Variants in C7 observed in about 807,000 individuals in gnomAD.
The protein encoded by C7 is complement component C7.
In C7, 83 loss-of-function variants were observed where a neutral mutation model predicts 104.8. That is an observed-to-expected ratio of 0.79 (90% CI 0.66 to 0.95). C7 has a LOEUF of 0.95. Among genes scored for constraint, C7 ranks in the 40% least tolerant of loss-of-function variants. The pLI, the probability that C7 is intolerant of heterozygous loss-of-function variation, is 0.00. For synonymous variants in C7, 415 were observed against 360.6 expected (o/e 1.15, Z -1.71); for missense variants, 1,070 against 1,011.2 (o/e 1.06, Z -0.79).
intron 6 of C7, among the ~76,000 whole-genome samples, chr5:40,944,634 G>A (rs1225733651): frequency 6.6e-6 from 1 of 152,158 alleles, no homozygotes; most frequent in Non-Finnish European, 1.5e-5. Context: ...AGCTACATGT[G>A]ACTAACCTAT....
intron 14 of C7, among the ~76,000 whole-genome samples, chr5:40,965,641 TATATA>T (rs1158741442): frequency 4.2e-4 from 36 of 84,978 alleles, no homozygotes; most frequent in South Asian, 1.1e-3. Flanking sequence ...TATATATATA[TATATA>T]TATTTTTTTT....
intron 6 of C7, among the ~76,000 whole-genome samples, chr5:40,943,304 A>G (rs550127438): frequency 6.6e-6 from 1 of 152,322 alleles, no homozygotes; most frequent in East Asian, 1.9e-4. Flanking sequence ...TGAGAGTTAA[A>G]AGAATAAGAG....
At position 40,981,843 on chromosome 5, in the gene C7, G is replaced by A. The variant is rs371977234; in HGVS notation, c.*270G>A. 34 of 295,258 alleles carry A rather than the reference G, an allele frequency of 1.2e-4. No individual in the cohort carries two copies. The South Asian group carries it at 1.4e-3, about 13-fold the overall frequency. 18.3% of individuals were successfully genotyped at this position (295,258 alleles called of 1,614,324 possible). A position where few individuals can be genotyped will look rare whatever the true frequency, so the allele number is the denominator to read the frequency against. ...TTGAAATAGGTGTTACCTTCTCTGG[G>A]CCTTGGTTTTTTAAAATCTGTAAAA... On this transcript the variant is annotated 3_prime_UTR_variant, in exon 18 of 18. Coordinates refer to ENST00000313164, the MANE Select transcript of C7 (RefSeq NM_000587.4).
intron 14 of C7, among the ~76,000 whole-genome samples, chr5:40,966,870 C>G (rs549623653): frequency 6.6e-6 from 1 of 152,202 alleles, no homozygotes; most frequent in African/African-American, 2.4e-5. Flanking sequence ...TAATCTCTCT[C>G]TCTCTCTTTC....
chr5:40,973,771 T>C (rs940489433), intron 15 of C7, among the ~76,000 whole-genome samples: 1 of 152,208 alleles, frequency 6.6e-6, no homozygotes, highest in Non-Finnish European at 1.5e-5. Flanking sequence ...GTTGATGAGG[T>C]TGCACTTTTG....
chr5:40,931,186 C>CCA (rs1315928207), intron 3 of C7, 47 bp downstream of exon 3: 1 of 1,430,868 alleles, frequency 7.0e-7, no homozygotes, highest in Non-Finnish European at 9.8e-7. Flanking sequence ...TGCAGAAATA[C>CCA]TTTGGCATGG....
chr5:40,979,642 C>A, intron 16 of C7, 83 bp from the exon 17 acceptor site: 2 of 1,151,362 alleles, frequency 1.7e-6, no homozygotes, highest in Non-Finnish European at 1.2e-6. Flanking sequence ...GGGCACTAAG[C>A]TCAGAGCATC....
At chr5:40,922,537 T>C (rs1020625428) in intron 1 of C7, among the ~76,000 whole-genome samples, 1 of 151,434 alleles carries the variant, frequency 6.6e-6, no homozygotes, top group African/African-American at 2.4e-5. Flanking sequence ...CCGTCTCTAC[T>C]AAAAATACAG....
chr5:40,919,965 C>T (rs1264067567), intron 1 of C7, among the ~76,000 whole-genome samples: 1 of 151,412 alleles, frequency 6.6e-6, no homozygotes, highest in Non-Finnish European at 1.5e-5. Context: ...CCAAAGTTAG[C>T]ATAAGAAAGG....
Position 40,949,953 on chromosome 5 carries a change from T to C in C7, c.1032T>C (p.Phe344=). Residue 344 remains phenylalanine (F), a synonymous_variant, in exon 9 of 18, where the codon TTT becomes TTC. Transcript: ENST00000313164. The part of the protein sequence containing the change: ...EKKCKSSGWH[F]VVKFSSHGCK... ...AATGTAAATCCTCAGGTTGGCATTT[T>C]GTCGTTAAATTTTCAAGTCATGGAT... 1 of 1,601,732 alleles carries C rather than the reference T, an allele frequency of 6.2e-7. No homozygotes were observed. Among genetic ancestry groups the C allele is most frequent in the Non-Finnish European group, 8.5e-7 (1 of 1,173,554 alleles).
intron 7 of C7, among the ~76,000 whole-genome samples, chr5:40,945,889 T>C (rs1389077375): frequency 3.6e-5 from 4 of 109,742 alleles, no homozygotes; most frequent in Admixed American, 2.4e-4. Flanking sequence ...TATATATATA[T>C]ATATATATAT....
intron 6 of C7, among the ~76,000 whole-genome samples, chr5:40,940,078 T>G (rs1255169035): frequency 6.6e-6 from 1 of 152,168 alleles, no homozygotes; most frequent in Non-Finnish European, 1.5e-5. Context: ...AGGTGGTGAA[T>G]GTCCTCCATG....
chr5:40,943,053 C>T (rs553229804), intron 6 of C7, among the ~76,000 whole-genome samples: 15 of 152,344 alleles, frequency 9.8e-5, no homozygotes, highest in East Asian at 3.9e-4. Flanking sequence ...TAAGCCGCCA[C>T]GCCCATGCCT....
At chr5:40,953,205 C>T (rs1269545303) in intron 9 of C7, among the ~76,000 whole-genome samples, 1 of 151,962 alleles carries the variant, frequency 6.6e-6, no homozygotes, top group Non-Finnish European at 1.5e-5. Context: ...CACAGAAAGT[C>T]AAATATTGCA....
intron 6 of C7, among the ~76,000 whole-genome samples, chr5:40,944,055 CTG>C (rs34635218): frequency 0.087 from 13,305 of 152,160 alleles, 730 homozygotes; most frequent in South Asian, 0.2. Flanking sequence ...TTTAGTATGA[CTG>C]TGTAATATTG....
rs1264475113 is a variant in C7, at chr5:40,947,861, A to G, written c.982+16A>G. On this transcript the variant is annotated intron_variant, in intron 8 of 17. Coordinates refer to ENST00000313164, the MANE Select transcript of C7 (RefSeq NM_000587.4). ...AAACAAAATGGTACAGTATTAAAAA[A>G]TTCGTTGTCTAAAGGCATTTCTGGG... The G allele has an allele frequency of 6.2e-7, 1 of 1,609,630 alleles. No individual in the cohort carries two copies. The highest frequency in any genetic ancestry group is 8.5e-7 in the Non-Finnish European group (1 of 1,178,184).
chr5:40,955,429 G>C lies in C7; in HGVS notation c.1136G>C (p.Gly379Ala), dbSNP rs773461229. 9.3e-6 allele frequency: 15 copies of C among 1,612,270 alleles called. No homozygotes were observed. The highest frequency in any genetic ancestry group is 2.7e-5 in the African/African-American group (2 of 74,834). The change falls in exon 10 of 18, where the codon GGG (glycine) becomes GCG (alanine). Residue 379 changes from glycine (G) to alanine (A), a missense_variant. Gly to Ala is a moderately conservative substitution (Grantham distance 60). Coordinates refer to ENST00000313164, the MANE Select transcript of C7 (RefSeq NM_000587.4). ...TTGCGAGGAGAACCGTTCATCAGAG[G>C]GGGAGGTGCAGGCTTCATATCTGGC... ...NVLRGEPFIRGGGAGFISGLS... is the reference protein window; with the variant it reads ...NVLRGEPFIRAGGAGFISGLS...
intron 15 of C7, among the ~76,000 whole-genome samples, chr5:40,975,415 G>C (rs1336214984): frequency 1.3e-5 from 2 of 149,318 alleles, no homozygotes; most frequent in Non-Finnish European, 3.0e-5. Context: ...GCTGGCTGGA[G>C]TGCAACGGCG....
At chr5:40,967,649 G>T in intron 14 of C7, 1 of 198,962 alleles carries the variant, frequency 5.0e-6, no homozygotes, top group Non-Finnish European at 1.1e-5. Context: ...TTTTTATCCT[G>T]TATCACCAAG....
Sources: gnomAD v4.1 joint callset for allele counts (sites outside exome capture counted in the v4.1 genomes callset) on GRCh38, gnomAD v4.1.1 for gene constraint, MANE v1.5 for transcripts, NCBI Gene and HGNC (gene_info 2026-07-23, HGNC 2026-07-21) for gene names.